The following SCG3 variants were observed in gnomAD, a reference collection of about 807,000 sequenced individuals.
SCG3 encodes the protein secretogranin III.
In SCG3, 38 loss-of-function variants were observed where a neutral mutation model predicts 56.2. The observed-to-expected ratio is 0.68, with a 90% CI of 0.52 to 0.89. The LOEUF is 0.89. SCG3 is among the 40% of genes least tolerant of loss of function. SCG3 has a pLI of 0.00. For synonymous variants in SCG3, 176 were observed against 184.2 expected (o/e 0.96, Z 0.36); for missense variants, 524 against 540.7 (o/e 0.97, Z 0.31).
intron 10 of SCG3, among the ~76,000 whole-genome samples, chr15:51,710,876 GTGAGCC>G (rs1567222721): frequency 6.6e-6 from 1 of 151,528 alleles, no homozygotes; most frequent in Non-Finnish European, 1.5e-5. Flanking sequence ...GATCACAGGT[GTGAGCC>G]ACAGAGCCTG....
At chr15:51,714,118 G>A (rs908923968) in intron 11 of SCG3, among the ~76,000 whole-genome samples, 1 of 152,178 alleles carries the variant, frequency 6.6e-6, no homozygotes, top group Non-Finnish European at 1.5e-5. Flanking sequence ...CAAAACAGAG[G>A]GGTGGTTCTG....
chr15:51,697,132 C>CTG (rs3078107), intron 8 of SCG3, among the ~76,000 whole-genome samples: 20,562 of 145,896 alleles, frequency 0.14, 1,444 homozygotes, highest in Middle Eastern at 0.19. Flanking sequence ...AGATGTTATT[C>CTG]TGTGTGTGTG....
chr15:51,684,456 A>T (rs2055215444), intron 4 of SCG3, among the ~76,000 whole-genome samples: 1 of 152,224 alleles, frequency 6.6e-6, no homozygotes, highest in Non-Finnish European at 1.5e-5. Flanking sequence ...GGGCACCTGT[A>T]GTCACAGCTA....
intron 10 of SCG3, among the ~76,000 whole-genome samples, chr15:51,711,751 C>G (rs941567235): frequency 4.6e-5 from 7 of 152,186 alleles, no homozygotes; most frequent in African/African-American, 1.7e-4. Flanking sequence ...TCCCAGACTG[C>G]TGAAATCAAG....
intron 4 of SCG3, among the ~76,000 whole-genome samples, chr15:51,687,054 G>T (rs1390478910): frequency 6.6e-6 from 1 of 152,182 alleles, no homozygotes; most frequent in Non-Finnish European, 1.5e-5. Flanking sequence ...GATGAGGATT[G>T]TCTGGGCAGA....
chr15:51,708,863 A>AT (rs1003356295), intron 10 of SCG3, among the ~76,000 whole-genome samples: 5 of 152,004 alleles, frequency 3.3e-5, no homozygotes, highest in African/African-American at 1.2e-4. Context: ...CATCTAAAAA[A>AT]AAAAAGAAAA....
At chr15:51,691,142 G>A (rs2055264340) in intron 6 of SCG3, among the ~76,000 whole-genome samples, 1 of 152,198 alleles carries the variant, frequency 6.6e-6, no homozygotes, top group Non-Finnish European at 1.5e-5. Context: ...AACATGAGAG[G>A]CAGCACATAG....
chr15:51,710,175 T>C (rs1201697680), intron 10 of SCG3, among the ~76,000 whole-genome samples: 1 of 152,182 alleles, frequency 6.6e-6, no homozygotes, highest in African/African-American at 2.4e-5. Flanking sequence ...GAGCTTACTC[T>C]CTGTCAGTCT....
chr15:51,696,127 G>C (rs1363658411), intron 8 of SCG3, 136 bp downstream of exon 8: 4 of 686,850 alleles, frequency 5.8e-6, no homozygotes, highest in Non-Finnish European at 1.0e-5. Context: ...CGACCAGTTT[G>C]ATAATATATA....
intron 8 of SCG3, among the ~76,000 whole-genome samples, chr15:51,697,404 A>T (rs2055310874): frequency 6.6e-6 from 1 of 152,264 alleles, no homozygotes; most frequent in Non-Finnish European, 1.5e-5. Context: ...CACTTATAGC[A>T]GTGCTGCGCA....
At chr15:51,697,597 C>G (rs1442208567) in intron 8 of SCG3, among the ~76,000 whole-genome samples, 1 of 152,080 alleles carries the variant, frequency 6.6e-6, no homozygotes, top group African/African-American at 2.4e-5. Context: ...TTCTGTTGGA[C>G]AACATTGGCT....
chr15:51,710,256 A>T (rs2055412092), intron 10 of SCG3, among the ~76,000 whole-genome samples: 1 of 152,170 alleles, frequency 6.6e-6, no homozygotes, highest in African/African-American at 2.4e-5. Flanking sequence ...TTAACAAATT[A>T]TATGCTACAG....
rs558891002 is a variant in SCG3, at chr15:51,683,284, G to C, written c.247G>C (p.Glu83Gln). 1.9e-6 allele frequency: 3 copies of C among 1,613,786 alleles called. No individual in the cohort carries two copies. Among genetic ancestry groups the C allele is most frequent in the Non-Finnish European group, 1.7e-6 (2 of 1,179,836 alleles). Reference protein sequence around the residue: ...DNLNLLKAITEKEKIEKERQS... With the variant: ...DNLNLLKAITQKEKIEKERQS... ...CTTGAACCTGCTAAAGGCAATAACA[G>C]AAAAGGAAAAAATTGAGAAAGAAAG... The change falls in exon 4 of 12, where the codon GAA becomes CAA. Residue 83 changes from glutamate (E) to glutamine (Q), a missense_variant. Glu to Gln is a conservative substitution (Grantham distance 29, BLOSUM62 2). Coordinates refer to ENST00000220478, the MANE Select transcript of SCG3 (RefSeq NM_013243.4).
intron 4 of SCG3, among the ~76,000 whole-genome samples, chr15:51,683,836 C>T (rs1402608399): frequency 6.6e-6 from 1 of 152,200 alleles, no homozygotes; most frequent in Non-Finnish European, 1.5e-5. Context: ...AGTGTTTCCT[C>T]CTAGCCATAT....
chr15:51,683,909 C>CT (rs2055211881), intron 4 of SCG3, among the ~76,000 whole-genome samples: 1 of 152,166 alleles, frequency 6.6e-6, no homozygotes, highest in Admixed American at 6.5e-5. Context: ...CCTAACATCC[C>CT]ATATCACTAG....
chr15:51,702,652 C>T (rs2055346968), intron 10 of SCG3, among the ~76,000 whole-genome samples: 1 of 152,038 alleles, frequency 6.6e-6, no homozygotes, highest in Admixed American at 6.6e-5. Context: ...ATTTCAGGTC[C>T]GAATGTGGGA....
At chr15:51,689,400 GGTGTGT>G (rs3841591) in intron 6 of SCG3, 32 bp downstream of exon 6, 55 of 1,177,150 alleles carry the variant, frequency 4.7e-5, no homozygotes, top group Middle Eastern at 4.6e-4. Context: ...TATGCATGGG[GGTGTGT>G]GTGTGTGTGT....
At chr15:51,708,845 C>A (rs2055392797) in intron 10 of SCG3, among the ~76,000 whole-genome samples, 1 of 146,864 alleles carries the variant, frequency 6.8e-6, no homozygotes, top group Non-Finnish European at 1.5e-5. Context: ...GGTGACAGAA[C>A]GAGACTCCAT....
intron 6 of SCG3, 32 bp downstream of exon 6, chr15:51,689,400 GGTGTGTGTGTGTGTGTGT>G: frequency 9.3e-6 from 11 of 1,176,706 alleles, no homozygotes; most frequent in Non-Finnish European, 1.0e-5. Flanking sequence ...TATGCATGGG[GGTGTGTGTGTGTGTGTGT>G]GTGTGTGTGT....
Sources: allele counts gnomAD v4.1 joint callset (sites outside exome capture counted in the v4.1 genomes callset), GRCh38; gene constraint gnomAD v4.1.1; transcripts MANE v1.5; gene names NCBI Gene and HGNC (gene_info 2026-07-23, HGNC 2026-07-21).